The following SPAG16 variants were observed in gnomAD, a reference collection of about 807,000 sequenced individuals.
The protein encoded by SPAG16 is sperm-associated antigen 16 protein.
A neutral mutation model predicts 80.4 loss-of-function variants in SPAG16; 86 were observed. That is an observed-to-expected ratio of 1.07 (90% confidence interval 0.90 to 1.28). The LOEUF (loss-of-function observed/expected upper bound fraction) is 1.28. SPAG16 is among the 50% of genes most tolerant of loss of function. The probability of loss-of-function intolerance (pLI) is 0.00; values close to 1 mark genes in which losing one functional copy is unlikely to be tolerated. For missense variants in SPAG16, 870 were observed against 765.3 expected (o/e 1.14, Z -1.61); for synonymous variants, 294 against 265.9 (o/e 1.11, Z -1.03).
At chr2:213,442,934 C>G (rs1207384484) in intron 9 of SPAG16, among the ~76,000 whole-genome samples, 1 of 151,940 alleles carries the variant, frequency 6.6e-6, no homozygotes, top group Non-Finnish European at 1.5e-5. Flanking sequence ...TTCTTCTCTG[C>G]CAAAGACATT....
At chr2:214,221,454 T>G (rs1445495217) in intron 15 of SPAG16, among the ~76,000 whole-genome samples, 1 of 152,168 alleles carries the variant, frequency 6.6e-6, no homozygotes, top group African/African-American at 2.4e-5. Flanking sequence ...CATAGACACA[T>G]CCATTTTATA....
chr2:214,025,685 A>T (rs2048092424), intron 13 of SPAG16, among the ~76,000 whole-genome samples: 1 of 151,622 alleles, frequency 6.6e-6, no homozygotes, highest in Admixed American at 6.6e-5. Flanking sequence ...GCACCAGAAA[A>T]TTATTAGCAA....
At chr2:213,388,684 T>C (rs936938727) in intron 9 of SPAG16, among the ~76,000 whole-genome samples, 16 of 152,228 alleles carry the variant, frequency 1.1e-4, no homozygotes, top group African/African-American at 3.6e-4. Flanking sequence ...TGTATTTCTA[T>C]ACACTAACAA....
At chr2:213,772,445 C>A (rs2069308372) in intron 10 of SPAG16, among the ~76,000 whole-genome samples, 1 of 152,082 alleles carries the variant, frequency 6.6e-6, no homozygotes, top group African/African-American at 2.4e-5. Flanking sequence ...AAATAATCTT[C>A]TAACATAAGG....
intron 11 of SPAG16, among the ~76,000 whole-genome samples, chr2:213,866,611 C>G (rs1284827747): frequency 6.9e-6 from 1 of 144,540 alleles, no homozygotes; most frequent in African/African-American, 2.9e-5. Context: ...TAAGATCTGC[C>G]AGGTGAATGT....
At chr2:213,830,640 C>A (rs1261104867) in intron 10 of SPAG16, among the ~76,000 whole-genome samples, 3 of 152,022 alleles carry the variant, frequency 2.0e-5, no homozygotes. Flanking sequence ...ATGTGTAATT[C>A]ATTGTGAAAA....
intron 15 of SPAG16, among the ~76,000 whole-genome samples, chr2:214,310,738 T>C (rs926588944): frequency 1.3e-5 from 2 of 152,192 alleles, no homozygotes; most frequent in Admixed American, 1.3e-4. Flanking sequence ...TCAGTTCAGA[T>C]AGTCACTGTC....
At chr2:213,445,195 CA>C (rs1158573167) in intron 9 of SPAG16, among the ~76,000 whole-genome samples, 3 of 152,082 alleles carry the variant, frequency 2.0e-5, no homozygotes, top group African/African-American at 7.2e-5. Flanking sequence ...ACAATGAGAA[CA>C]ACCAAACAAA....
intron 10 of SPAG16, among the ~76,000 whole-genome samples, chr2:213,644,210 CTT>C (rs1262838786): frequency 2.0e-5 from 3 of 151,888 alleles, no homozygotes; most frequent in Non-Finnish European, 4.4e-5. Context: ...ATTTCAATCT[CTT>C]TGTTAAATTT....
chr2:214,160,172 T>A (rs2056380790), intron 15 of SPAG16, among the ~76,000 whole-genome samples: 1 of 147,566 alleles, frequency 6.8e-6, no homozygotes, highest in Non-Finnish European at 1.5e-5. Context: ...TATTTGAAGG[T>A]GGAGAAAAAA....
intron 11 of SPAG16, among the ~76,000 whole-genome samples, chr2:213,899,602 T>A (rs557712248): frequency 6.6e-6 from 1 of 152,180 alleles, no homozygotes; most frequent in African/African-American, 2.4e-5. Context: ...GATTTAAATG[T>A]TTTCAAATTG....
At chr2:214,067,738 G>T (rs1273168147) in intron 13 of SPAG16, among the ~76,000 whole-genome samples, 1 of 152,032 alleles carries the variant, frequency 6.6e-6, no homozygotes, top group Non-Finnish European at 1.5e-5. Flanking sequence ...TCCTTGCCAG[G>T]ATTTTGTTGA....
intron 15 of SPAG16, among the ~76,000 whole-genome samples, chr2:214,161,007 T>C (rs2056413025): frequency 1.3e-5 from 2 of 152,024 alleles, no homozygotes; most frequent in Admixed American, 6.6e-5. Flanking sequence ...TTAGATTATA[T>C]TGAGTCAATT....
intron 10 of SPAG16, among the ~76,000 whole-genome samples, chr2:213,647,358 C>A (rs1291523466): frequency 1.3e-5 from 2 of 152,200 alleles, no homozygotes; most frequent in Non-Finnish European, 2.9e-5. Flanking sequence ...CAACAGTAAT[C>A]TACTGCCATT....
At chr2:213,629,635 G>GCACA (rs2062074304) in intron 10 of SPAG16, among the ~76,000 whole-genome samples, 4 of 152,176 alleles carry the variant, frequency 2.6e-5, no homozygotes, top group Admixed American at 2.6e-4. Context: ...GCAGTCCTGG[G>GCACA]TCAGCTTGCC....
chr2:214,323,080 G>A (rs984248151), intron 15 of SPAG16, among the ~76,000 whole-genome samples: 2 of 152,106 alleles, frequency 1.3e-5, no homozygotes, highest in Admixed American at 1.3e-4. Context: ...ATTCTCTACT[G>A]CTGTTTCTTG....
chr2:213,700,280 A>G (rs2065349057), intron 10 of SPAG16, among the ~76,000 whole-genome samples: 2 of 152,196 alleles, frequency 1.3e-5, no homozygotes, highest in Admixed American at 1.3e-4. Context: ...TTCCATAGAA[A>G]TAGATGCAGT....
At chr2:214,315,491 GC>G (rs2125985091) in intron 15 of SPAG16, among the ~76,000 whole-genome samples, 1 of 149,818 alleles carries the variant, frequency 6.7e-6, no homozygotes. Context: ...CCCCCCTCCA[GC>G]CCCATCTTTT....
At chr2:213,834,070 G>A (rs561517230) in intron 10 of SPAG16, among the ~76,000 whole-genome samples, 22 of 152,188 alleles carry the variant, frequency 1.4e-4, no homozygotes, top group Non-Finnish European at 2.9e-4. Flanking sequence ...GAGCTCTGAT[G>A]GGTCTATCAG....
Sources: allele counts gnomAD v4.1 joint callset (sites outside exome capture counted in the v4.1 genomes callset), GRCh38; gene constraint gnomAD v4.1.1; transcripts MANE v1.5; gene names NCBI Gene and HGNC (gene_info 2026-07-23, HGNC 2026-07-21).